Variants in PRAME observed in about 807,000 individuals in gnomAD.
The protein encoded by PRAME is PRAME nuclear receptor transcriptional regulator.
In PRAME, 21 loss-of-function variants were observed where a neutral mutation model predicts 32.1. The ratio of observed to expected loss-of-function variants is 0.65; its 90% CI spans 0.46 to 0.94. The LOEUF (loss-of-function observed/expected upper bound fraction) is 0.94, where lower values mean the gene tolerates loss of function less well. Among genes scored for constraint, PRAME ranks in the 40% least tolerant of loss-of-function variants. The pLI, the probability that PRAME is intolerant of heterozygous loss-of-function variation, is 0.00. For missense variants in PRAME, 651 were observed against 622.3 expected, an observed-to-expected ratio of 1.05 and a Z score of -0.49; for synonymous variants, 274 against 251.5, an observed-to-expected ratio of 1.09 and a Z score of -0.85.
At chr22:22,558,741 C>G (rs2063151480) in intron 1 of PRAME, among the ~76,000 whole-genome samples, 1 of 151,230 alleles carries the variant, frequency 6.6e-6, no homozygotes, top group South Asian at 2.1e-4. Flanking sequence ...CGGAGACGTC[C>G]AAGTCTGGAC....
rs143219206 is a variant in PRAME, at chr22:22,554,513, G to C, written c.21+2299C>G. Among the ~76,000 whole-genome samples the C allele has an allele frequency of 7.9e-5, 12 of 152,012 alleles. 1 individual carries two copies. In the East Asian group the frequency reaches 2.0e-3, roughly 25 times the overall value. On this transcript the variant is annotated intron_variant, in intron 3 of 5. Coordinates refer to ENST00000405655, the MANE Select transcript of PRAME (RefSeq NM_206956.3). ...CATCAGCTGCGGGAGACTGAGATTAGTAATAAAGGTCATTGTCAATGTCCC... is the reference window on the plus strand; with the variant it reads ...CATCAGCTGCGGGAGACTGAGATTACTAATAAAGGTCATTGTCAATGTCCC...
chr22:22,556,764 G>T, intron 3 of PRAME, 48 bp downstream of exon 3: 1 of 1,610,304 alleles, frequency 6.2e-7, no homozygotes, highest in South Asian at 1.1e-5. Flanking sequence ...GGACAGAGGG[G>T]AACAGGGCTT....
chr22:22,548,308 A>G lies in PRAME; in HGVS notation c.1289T>C (p.Leu430Pro). The stretch of plus-strand genomic sequence containing the variant: ...GTGGGTCAGATTGCTCAGCCCGATG[A>G]GGTGCTGCAGGAGACTCTGCAGGGC... ...ISALQSLLQH[L>P]IGLSNLTHVL... Residue 430 changes from leucine to proline, a missense_variant, in exon 6 of 6, where the codon CTC (leucine) becomes CCC (proline). Transcript: ENST00000405655. 2.5e-6 allele frequency: 4 copies of G among 1,613,712 alleles called. No homozygotes were observed. Among genetic ancestry groups the G allele is most frequent in the Non-Finnish European group, 3.4e-6 (4 of 1,179,908 alleles).
At chr22:22,554,400 C>A (rs183071919) in intron 3 of PRAME, among the ~76,000 whole-genome samples, 1 of 151,970 alleles carries the variant, frequency 6.6e-6, no homozygotes, top group Admixed American at 6.6e-5. Context: ...CTACTTTTCA[C>A]CCTCAACACC....
At chr22:22,554,025 A>G in intron 3 of PRAME, 1 of 985,154 alleles carries the variant, frequency 1.0e-6, no homozygotes, top group African/African-American at 1.7e-5. Context: ...GCGAGATGCA[A>G]TCAGGCCTAT....
chr22:22,552,466 C>A (rs942900587), intron 3 of PRAME, among the ~76,000 whole-genome samples: 4 of 146,768 alleles, frequency 2.7e-5, no homozygotes, highest in Middle Eastern at 4.1e-3. Flanking sequence ...TGGCAGAAAT[C>A]AAAATGTTTG....
intron 4 of PRAME, 83 bp from the exon 5 acceptor site, chr22:22,550,417 A>T (rs2062498548): frequency 6.7e-7 from 1 of 1,486,718 alleles, no homozygotes; most frequent in Non-Finnish European, 9.0e-7. Flanking sequence ...AATGTAGGTA[A>T]GAACCAAACA....
At chr22:22,553,443 T>C (rs973801268) in intron 3 of PRAME, among the ~76,000 whole-genome samples, 3 of 151,902 alleles carry the variant, frequency 2.0e-5, no homozygotes, top group African/African-American at 7.2e-5. Context: ...CAGATAGGTT[T>C]TTTTGGGGGC....
At chr22:22,555,975 G>A (rs751369778) in intron 3 of PRAME, 4 of 438,968 alleles carry the variant, frequency 9.1e-6, no homozygotes, top group South Asian at 5.0e-5. Context: ...TTGGCAATAA[G>A]GTCCACAATG....
intron 3 of PRAME, among the ~76,000 whole-genome samples, chr22:22,554,702 G>A (rs1397716763): frequency 6.6e-6 from 1 of 151,892 alleles, no homozygotes; most frequent in East Asian, 2.0e-4. Flanking sequence ...CAAGCAAGCA[G>A]GAATTGGTAG....
At position 22,556,880 on chromosome 22, in the gene PRAME, T is replaced by C. The variant is rs1265029841; in HGVS notation, c.-48A>G. ...TCAGGACCTCCAACGCTTGGATTTC[T>C]AGGTCTCAGTCACTTGTTGCCACGC... is the stretch of plus-strand genomic sequence containing the variant. On this transcript the variant is annotated 5_prime_UTR_variant, in exon 3 of 6. Coordinates refer to ENST00000405655, the MANE Select transcript of PRAME (RefSeq NM_206956.3). The C allele has an allele frequency of 1.2e-6, 2 of 1,611,022 alleles. No individual in the cohort carries two copies. The highest frequency in any genetic ancestry group is 8.5e-7 in the Non-Finnish European group (1 of 1,178,340).
chr22:22,548,704 G>GGAAATTAA, intron 5 of PRAME, 61 bp from the exon 6 acceptor site: 1 of 1,420,520 alleles, frequency 7.0e-7, no homozygotes, highest in Non-Finnish European at 9.5e-7. Flanking sequence ...GGAGACTGGA[G>GGAAATTAA]AGAGGCCCAT....
At position 22,548,485 on chromosome 22, in the gene PRAME, G is replaced by A. The variant is rs963680803; in HGVS notation, c.1112C>T (p.Ala371Val). The A allele has an allele frequency of 1.2e-6, 2 of 1,613,680 alleles. No individual in the cohort carries two copies. Among genetic ancestry groups the A allele is most frequent in the Non-Finnish European group, 1.7e-6 (2 of 1,179,968 alleles). ...GGTGGCAGAGGCTCTCTCCAGCAGAGCTTGGAGGGGCTCGGGACTTACATC... is the reference window on the plus strand; with the variant it reads ...GGTGGCAGAGGCTCTCTCCAGCAGAACTTGGAGGGGCTCGGGACTTACATC... ...LTDVSPEPLQ[A>V]LLERASATLQ... The change falls in exon 6 of 6, where the codon GCT becomes GTT. Residue 371 changes from alanine (A) to valine (V), a missense_variant. Ala to Val is a moderately conservative substitution (Grantham distance 64, BLOSUM62 0). Coordinates refer to ENST00000405655, the MANE Select transcript of PRAME (RefSeq NM_206956.3).
intron 2 of PRAME, 197 bp from the exon 3 acceptor site, chr22:22,557,106 G>C: frequency 1.8e-6 from 1 of 540,708 alleles, no homozygotes. Context: ...GGGGCAGGAG[G>C]AACAACAGAC....
chr22:22,549,298 G>C (rs2062426146), intron 5 of PRAME, among the ~76,000 whole-genome samples: 1 of 151,922 alleles, frequency 6.6e-6, no homozygotes, highest in Non-Finnish European at 1.5e-5. Context: ...CAGGAAATTT[G>C]AGGCAGGTTT....
At chr22:22,555,980 A>C in intron 3 of PRAME, 12 of 424,188 alleles carry the variant, frequency 2.8e-5, no homozygotes, top group Admixed American at 1.1e-4. Flanking sequence ...AATAAGGTCC[A>C]CAATGCATTA....
Position 22,549,744 on chromosome 22 carries a change from C to A in PRAME, c.935G>T (p.Arg312Leu), listed in dbSNP as rs779161892. 1 of 1,605,170 alleles carries A rather than the reference C, an allele frequency of 6.2e-7. No individual in the cohort carries two copies. The highest frequency in any genetic ancestry group is 1.7e-5 in the Admixed American group (1 of 58,522). The change falls in exon 5 of 6, where the codon CGC becomes CTC. Residue 312 changes from arginine (R) to leucine (L), a missense_variant. By Grantham distance (102) the Arg-to-Leu change is moderately radical. Transcript: ENST00000405655. ...CCCTCACCTGAGCAACTGATCCAGG[C>A]GGCCTCTAAGGAAAAATAAAGAGTC... ...YVDSLFFLRG[R>L]LDQLLRHVMN...
intron 3 of PRAME, among the ~76,000 whole-genome samples, chr22:22,555,177 G>A (rs1309970536): frequency 6.6e-6 from 1 of 152,020 alleles, no homozygotes; most frequent in East Asian, 2.0e-4. Context: ...ACAGGCCAGA[G>A]TGGCCTCTGA....
At chr22:22,551,524 G>A (rs757029662) in intron 3 of PRAME, among the ~76,000 whole-genome samples, 3 of 151,988 alleles carry the variant, frequency 2.0e-5, no homozygotes, top group South Asian at 4.2e-4. Flanking sequence ...TGGGAAAGAT[G>A]AGGAACACAC....
Sources: gnomAD v4.1 joint callset for allele counts (sites outside exome capture counted in the v4.1 genomes callset) on GRCh38, gnomAD v4.1.1 for gene constraint, MANE v1.5 for transcripts, NCBI Gene and HGNC (gene_info 2026-07-23, HGNC 2026-07-21) for gene names.